Variants in APBA1 observed in about 807,000 individuals in gnomAD.
APBA1 encodes amyloid-beta A4 precursor protein-binding family A member 1.
A neutral mutation model predicts 86.6 loss-of-function variants in APBA1; 55 were observed. That is an observed-to-expected ratio of 0.64 (90% CI 0.51 to 0.80). The LOEUF is 0.80. APBA1 is among the 30% of genes least tolerant of loss of function. The probability of loss-of-function intolerance (pLI) is 0.00; values close to 1 mark genes in which losing one functional copy is unlikely to be tolerated. For synonymous variants in APBA1, 511 were observed against 493.9 expected (o/e 1.03, Z -0.46); for missense variants, 1,090 against 1,183.0 (o/e 0.92, Z 1.15).
intron 1 of APBA1, among the ~76,000 whole-genome samples, chr9:69,643,921 C>T (rs1482877743): frequency 6.6e-6 from 1 of 152,194 alleles, no homozygotes; most frequent in Non-Finnish European, 1.5e-5. Context: ...TCCAAGCATG[C>T]TCTTGCCTCA....
At chr9:69,472,809 A>G (rs1302913279) in intron 3 of APBA1, among the ~76,000 whole-genome samples, 1 of 152,188 alleles carries the variant, frequency 6.6e-6, no homozygotes, top group African/African-American at 2.4e-5. Context: ...TCCCTAACCT[A>G]GCACTTGACA....
Position 69,441,131 on chromosome 9 carries a change from A to T in APBA1, c.2182-16T>A, listed in dbSNP as rs761267185. ...TCTTTAAGCCCTTAAACATGAATAAAGTACAGTGGGTATGGTGACCACTGA... is the reference window on the plus strand; with the variant it reads ...TCTTTAAGCCCTTAAACATGAATAATGTACAGTGGGTATGGTGACCACTGA... On this transcript the variant is annotated splice_polypyrimidine_tract_variant and intron_variant, in intron 10 of 12. Coordinates refer to ENST00000265381, the MANE Select transcript of APBA1 (RefSeq NM_001163.4). 8 of 1,612,318 alleles carry T rather than the reference A, an allele frequency of 5.0e-6. No individual in the cohort carries two copies. Among genetic ancestry groups the T allele is most frequent in the Middle Eastern group, 1.7e-4 (1 of 6,046 alleles).
chr9:69,485,463 G>T (rs1183402898), intron 2 of APBA1, among the ~76,000 whole-genome samples: 2 of 152,064 alleles, frequency 1.3e-5, no homozygotes, highest in Non-Finnish European at 2.9e-5. Flanking sequence ...AGAATAATTT[G>T]GAGGCAAAAT....
chr9:69,592,292 C>T (rs1329387275), intron 1 of APBA1, among the ~76,000 whole-genome samples: 2 of 152,132 alleles, frequency 1.3e-5, no homozygotes, highest in Admixed American at 6.5e-5. Flanking sequence ...GGTTTCTGTA[C>T]CAAAGGAAGT....
At chr9:69,436,682 C>G (rs1187352197) in intron 11 of APBA1, among the ~76,000 whole-genome samples, 3 of 151,712 alleles carry the variant, frequency 2.0e-5, no homozygotes, top group East Asian at 1.9e-4. Flanking sequence ...TGGGCTGAGA[C>G]AGTGGGGTTT....
intron 11 of APBA1, among the ~76,000 whole-genome samples, chr9:69,440,440 G>C (rs1469365646): frequency 6.6e-6 from 1 of 151,434 alleles, no homozygotes; most frequent in East Asian, 1.9e-4. Flanking sequence ...CCCCGTTCGA[G>C]CTTCCCCGCT....
intron 1 of APBA1, among the ~76,000 whole-genome samples, chr9:69,582,419 G>T (rs1821930214): frequency 6.6e-6 from 1 of 152,138 alleles, no homozygotes; most frequent in African/African-American, 2.4e-5. Context: ...AGATAGTGAT[G>T]CAACAGCCTA....
chr9:69,622,234 T>C (rs959111795), intron 1 of APBA1, among the ~76,000 whole-genome samples: 2 of 152,198 alleles, frequency 1.3e-5, no homozygotes, highest in Non-Finnish European at 2.9e-5. Flanking sequence ...ACTTGCCCTA[T>C]GACTCACAGT....
chr9:69,545,094 C>A (rs1047119911), intron 1 of APBA1, among the ~76,000 whole-genome samples: 1 of 152,216 alleles, frequency 6.6e-6, no homozygotes. Context: ...TAGTTTTCTA[C>A]AGAAATTTAG....
chr9:69,598,503 C>T (rs1822279730), intron 1 of APBA1, among the ~76,000 whole-genome samples: 1 of 151,608 alleles, frequency 6.6e-6, no homozygotes, highest in African/African-American at 2.4e-5. Flanking sequence ...TCCAGGTGGG[C>T]AGGTAATGAC....
intron 2 of APBA1, among the ~76,000 whole-genome samples, chr9:69,492,422 G>A (rs1172328059): frequency 6.6e-6 from 1 of 151,124 alleles, no homozygotes; most frequent in African/African-American, 2.5e-5. Context: ...ACACCCACGG[G>A]GATGTTTTCT....
At chr9:69,544,115 AT>A (rs1306020690) in intron 1 of APBA1, among the ~76,000 whole-genome samples, 2 of 152,150 alleles carry the variant, frequency 1.3e-5, no homozygotes, top group African/African-American at 4.8e-5. Context: ...TGTTATTATT[AT>A]TTTTAGGCTG....
At chr9:69,460,494 T>C (rs1835172743) in intron 5 of APBA1, among the ~76,000 whole-genome samples, 1 of 152,170 alleles carries the variant, frequency 6.6e-6, no homozygotes, top group African/African-American at 2.4e-5. Context: ...ATGTTTGTTT[T>C]TTACTTCTCC....
intron 1 of APBA1, among the ~76,000 whole-genome samples, chr9:69,528,524 T>C (rs1156636594): frequency 3.9e-5 from 6 of 152,158 alleles, no homozygotes; most frequent in Non-Finnish European, 7.4e-5. Context: ...CAATTAAAAG[T>C]CTATCTGAAT....
intron 3 of APBA1, among the ~76,000 whole-genome samples, chr9:69,472,940 C>T (rs1835387918): frequency 1.3e-5 from 2 of 152,148 alleles, no homozygotes; most frequent in African/African-American, 4.8e-5. Context: ...GTTGAAGAAA[C>T]CTAGTTGTAA....
chr9:69,432,346 GA>G (rs1416587280), intron 12 of APBA1, among the ~76,000 whole-genome samples, 189 bp downstream of exon 12: 1 of 152,224 alleles, frequency 6.6e-6, no homozygotes, highest in Non-Finnish European at 1.5e-5. Flanking sequence ...TTTCATGGAG[GA>G]GCTCCCAGAT....
chr9:69,573,531 AC>A lies in APBA1; in HGVS notation c.-69-56253del, dbSNP rs574322932. Among the ~76,000 whole-genome samples, 312 of 152,332 alleles carry A rather than the reference AC, an allele frequency of 2.0e-3. 1 individual carries two copies. Among genetic ancestry groups the A allele is most frequent in the Non-Finnish European group, 3.6e-3 (242 of 68,024 alleles). Reference sequence around the variant, plus strand: ...CAGAATACAATTCACAAAATTGTTGACTTTGAACATCTTAAGATTTTGATTT... The same window carrying A: ...CAGAATACAATTCACAAAATTGTTGATTTGAACATCTTAAGATTTTGATTT... On this transcript the variant is annotated intron_variant, in intron 1 of 12. Transcript: ENST00000265381.
At chr9:69,441,221 A>AG (rs1224138779) in intron 10 of APBA1, 106 bp from the exon 11 acceptor site, 303 of 1,375,350 alleles carry the variant, frequency 2.2e-4, no homozygotes, top group Non-Finnish European at 2.8e-4. Context: ...AGTCTTCCGA[A>AG]GGACCCACTG....
chr9:69,596,963 G>A (rs987099990), intron 1 of APBA1, among the ~76,000 whole-genome samples: 6 of 152,212 alleles, frequency 3.9e-5, no homozygotes, highest in African/African-American at 1.2e-4. Context: ...CAGCCATTTA[G>A]TGGGGGTGCA....
Sources: allele counts gnomAD v4.1 joint callset (sites outside exome capture counted in the v4.1 genomes callset), GRCh38; gene constraint gnomAD v4.1.1; transcripts MANE v1.5; gene names NCBI Gene and HGNC (gene_info 2026-07-23, HGNC 2026-07-21).